The following FTCDNL1 variants were observed in gnomAD, a reference collection of about 807,000 sequenced individuals.
The protein encoded by FTCDNL1 is formiminotransferase cyclodeaminase N-terminal like.
FTCDNL1 carries 11 observed loss-of-function variants against 5.9 expected under a neutral mutation model. The ratio of observed to expected loss-of-function variants is 1.87; its 90% CI spans 1.18 to 3.10. The LOEUF (loss-of-function observed/expected upper bound fraction) is 3.10, where lower values mean the gene tolerates loss of function less well. FTCDNL1 is among the 30% of genes most tolerant of loss of function. The pLI, the probability that FTCDNL1 is intolerant of heterozygous loss-of-function variation, is 0.00. For missense variants in FTCDNL1, 115 were observed against 65.5 expected (o/e 1.76, Z -2.61); for synonymous variants, 58 against 24.8 (o/e 2.34, Z -3.99).
the FTCDNL1 span, among the ~76,000 whole-genome samples, chr2:199,694,509 G>A: frequency 6.6e-6 from 1 of 152,046 alleles, no homozygotes; most frequent in Admixed American, 6.6e-5. Flanking sequence ...CTTCAATAAT[G>A]CTACATAATA....
At chr2:199,742,552 A>G in the FTCDNL1 span, among the ~76,000 whole-genome samples, 1 of 152,222 alleles carries the variant, frequency 6.6e-6, no homozygotes, top group Admixed American at 6.5e-5. Context: ...TACTACTAAT[A>G]GCTCATAGTT....
chr2:199,820,793 T>C (rs1020814587), intron 3 of FTCDNL1, among the ~76,000 whole-genome samples: 8 of 152,184 alleles, frequency 5.3e-5, no homozygotes, highest in African/African-American at 1.9e-4. Flanking sequence ...CCTCTGCTTG[T>C]TTTCTAGGAG....
At chr2:199,763,656 G>A (rs1698376415) in intron 3 of FTCDNL1, among the ~76,000 whole-genome samples, 1 of 152,014 alleles carries the variant, frequency 6.6e-6, no homozygotes, top group African/African-American at 2.4e-5. Context: ...CTATTTCATA[G>A]GGAAGGACCT....
the FTCDNL1 span, among the ~76,000 whole-genome samples, chr2:199,670,027 A>C: frequency 6.6e-6 from 1 of 152,196 alleles, no homozygotes; most frequent in Non-Finnish European, 1.5e-5. Context: ...TCAAAATTAA[A>C]ATTTCAAATG....
intron 4 of FTCDNL1, among the ~76,000 whole-genome samples, chr2:199,813,150 G>A (rs1270215080): frequency 6.6e-6 from 1 of 152,192 alleles, no homozygotes; most frequent in East Asian, 1.9e-4. Flanking sequence ...TGCTATTAAT[G>A]TCTGGTTTAA....
intron 3 of FTCDNL1, among the ~76,000 whole-genome samples, chr2:199,796,648 A>G (rs1700185330): frequency 6.6e-6 from 1 of 152,168 alleles, no homozygotes; most frequent in African/African-American, 2.4e-5. Context: ...TCACATACTC[A>G]TAAGCTGATT....
chr2:199,676,015 G>A, the FTCDNL1 span, among the ~76,000 whole-genome samples: 99,761 of 152,066 alleles, frequency 0.66, 36,180 homozygotes, highest in South Asian at 0.9. Context: ...GCATCCCAAC[G>A]TGCTGGGACT....
chr2:199,677,650 A>C, the FTCDNL1 span, among the ~76,000 whole-genome samples: 66 of 152,324 alleles, frequency 4.3e-4, no homozygotes, highest in African/African-American at 1.2e-3. Flanking sequence ...CTGCCCAGAA[A>C]TCCTCTGATG....
intron 1 of FTCDNL1, among the ~76,000 whole-genome samples, chr2:199,850,487 G>GA (rs1051227654): frequency 6.6e-6 from 1 of 152,198 alleles, no homozygotes. Context: ...ATCACACAAA[G>GA]ATGGTGTTAG....
chr2:199,746,827 T>C, the FTCDNL1 span, among the ~76,000 whole-genome samples: 338 of 151,980 alleles, frequency 2.2e-3, 2 homozygotes, highest in African/African-American at 8.0e-3. Flanking sequence ...ATCCCCAGCA[T>C]TATAATTAAA....
the FTCDNL1 span, among the ~76,000 whole-genome samples, chr2:199,664,041 T>A: frequency 1.3e-5 from 2 of 150,954 alleles, no homozygotes; most frequent in African/African-American, 4.9e-5. Context: ...GTGTTTTCTG[T>A]TTAAAAAAAA....
intron 3 of FTCDNL1, among the ~76,000 whole-genome samples, chr2:199,787,506 C>T (rs952835750): frequency 4.6e-5 from 7 of 152,088 alleles, no homozygotes; most frequent in Non-Finnish European, 1.0e-4. Context: ...ATTTTCTATC[C>T]CACGTAGCCT....
intron 3 of FTCDNL1, among the ~76,000 whole-genome samples, chr2:199,839,675 C>G (rs1314100000): frequency 6.6e-6 from 1 of 152,136 alleles, no homozygotes; most frequent in East Asian, 1.9e-4. Context: ...CAAGCAAAGA[C>G]CTCACAAGCC....
chr2:199,793,554 C>T (rs948983367), intron 3 of FTCDNL1, among the ~76,000 whole-genome samples: 18 of 152,146 alleles, frequency 1.2e-4, no homozygotes, highest in African/African-American at 4.3e-4. Context: ...ACAAAATCAT[C>T]CATTCTTCAA....
chr2:199,685,420 G>A, the FTCDNL1 span, among the ~76,000 whole-genome samples: 68 of 152,068 alleles, frequency 4.5e-4, no homozygotes, highest in Middle Eastern at 3.4e-3. Context: ...CTCTCTACAC[G>A]CATCCTCTTT....
intron 3 of FTCDNL1, among the ~76,000 whole-genome samples, chr2:199,765,550 A>ATTTTTT (rs1195071962): frequency 3.8e-5 from 2 of 52,974 alleles, no homozygotes; most frequent in African/African-American, 9.2e-5. Flanking sequence ...ATATATATAT[A>ATTTTTT]TATATATTTT....
At chr2:199,700,671 A>G in the FTCDNL1 span, among the ~76,000 whole-genome samples, 1 of 152,216 alleles carries the variant, frequency 6.6e-6, no homozygotes, top group South Asian at 2.1e-4. Context: ...AGTAACCAAA[A>G]CAGCATGGTA....
intron 3 of FTCDNL1, among the ~76,000 whole-genome samples, chr2:199,782,195 C>T (rs1213688226): frequency 6.6e-6 from 1 of 152,174 alleles, no homozygotes; most frequent in Admixed American, 6.5e-5. Flanking sequence ...CTCCAGGATC[C>T]ATTTGGATTT....
chr2:199,849,328 G>A (rs1180598502), intron 1 of FTCDNL1, among the ~76,000 whole-genome samples: 1 of 152,132 alleles, frequency 6.6e-6, no homozygotes, highest in Admixed American at 6.5e-5. Context: ...TTACAAACAG[G>A]TATGTTTTTT....
Sources: gnomAD v4.1 joint callset for allele counts (sites outside exome capture counted in the v4.1 genomes callset) on GRCh38, gnomAD v4.1.1 for gene constraint, MANE v1.5 for transcripts, NCBI Gene and HGNC (gene_info 2026-07-23, HGNC 2026-07-21) for gene names.